RNF213: variants seen among roughly 807,000 people sequenced by gnomAD.
The protein encoded by RNF213 is E3 ubiquitin-protein ligase RNF213.
RNF213 carries 341 observed loss-of-function variants against 514.4 expected under a neutral mutation model. That is an observed-to-expected ratio of 0.66 (90% CI 0.61 to 0.73). The LOEUF (loss-of-function observed/expected upper bound fraction) is 0.73, where lower values mean the gene tolerates loss of function less well. Among genes scored for constraint, RNF213 ranks in the 30% least tolerant of loss-of-function variants. RNF213 has a pLI of 0.00. For missense variants in RNF213, 5,767 were observed against 6,615.6 expected (o/e 0.87, Z 4.45); for synonymous variants, 2,655 against 2,658.2 (o/e 1.00, Z 0.04).
chr17:80,354,602 G>T, intron 36 of RNF213, 26 bp downstream of exon 36: 1 of 1,613,854 alleles, frequency 6.2e-7, no homozygotes, highest in Non-Finnish European at 8.5e-7. Flanking sequence ...GAAGCAAGGA[G>T]TGGCTCCAAT....
At chr17:80,337,419 C>A in intron 23 of RNF213, 167 bp from the exon 24 acceptor site, 2 of 765,308 alleles carry the variant, frequency 2.6e-6, no homozygotes, top group Non-Finnish European at 4.1e-6. Context: ...GTCAGGGTGG[C>A]ACCTGGTCCA....
At position 80,317,932 on chromosome 17, in the gene RNF213, G is replaced by A. The variant is rs1476304984; in HGVS notation, c.2901+655G>A. Among the ~76,000 whole-genome samples, 2 of 152,160 alleles carry A rather than the reference G, an allele frequency of 1.3e-5. No homozygotes were observed. The highest frequency in any genetic ancestry group is 2.9e-5 in the Non-Finnish European group (2 of 68,020). The stretch of plus-strand genomic sequence containing the variant: ...CCCGGACACTTGAAGGATGGTGAAG[G>A]TGGAGAATTTTATTAAGCAATGGAA... On this transcript the variant is annotated intron_variant, in intron 16 of 67. Transcript: ENST00000582970. The surrounding 1 kb of genome is among the most constrained non-coding windows in gnomAD (Gnocchi z 4.1).
At chr17:80,380,053 C>T (rs1041285809) in intron 55 of RNF213, among the ~76,000 whole-genome samples, 9 of 152,330 alleles carry the variant, frequency 5.9e-5, no homozygotes, top group African/African-American at 1.7e-4. Context: ...TCTATGTCTG[C>T]AGGACCAAAA....
intron 18 of RNF213, among the ~76,000 whole-genome samples, chr17:80,325,747 G>A (rs1255956683): frequency 1.3e-5 from 2 of 151,804 alleles, no homozygotes; most frequent in African/African-American, 4.8e-5. Context: ...TCCTAAAAAC[G>A]TTAGAGTCCA....
In RNF213 at chr17:80,343,231, T is replaced by G. The variant is rs2078212047; in HGVS notation, c.6089T>G (p.Val2030Gly). 6.2e-7 allele frequency: 1 copy of G among 1,613,870 alleles called. No homozygotes were observed. The highest frequency in any genetic ancestry group is 1.3e-5 in the African/African-American group (1 of 74,892). The stretch of plus-strand genomic sequence containing the variant: ...ACAATTCGACTGATCGACCCTCAGG[T>G]GGATGAGAGCCGAGTCCTGGGCGCC... ...LKTIRLIDPQ[V>G]DESRVLGALL... The change falls in exon 27 of 68, where the codon GTG becomes GGG. Residue 2030 changes from valine to glycine, a missense_variant. Val to Gly is a moderately radical substitution (Grantham distance 109, BLOSUM62 -3). This residue lies in a region of RNF213 where 1,377 missense variants were observed against 1,635.2 expected (regional missense o/e 0.84). Coordinates refer to ENST00000582970, the MANE Select transcript of RNF213 (RefSeq NM_001256071.3). This position sits in a 1 kb window ranked among gnomAD's most constrained non-coding sequence, Gnocchi z 4.3.
In RNF213 at chr17:80,288,129, C is replaced by T. The variant is rs112089914; in HGVS notation, c.576C>T (p.Ser192=). Residue 192 remains serine, a synonymous_variant, in exon 4 of 68, where the codon AGC becomes AGT. Transcript: ENST00000582970. The surrounding 1 kb of genome is among the most constrained non-coding windows in gnomAD (Gnocchi z 4.9). Reference sequence around the variant, plus strand: ...TGGCCACAGGAAGTGAGGCTCAGAGCAGCCCGCAATTCCAGGACCACACGG... The same window carrying T: ...TGGCCACAGGAAGTGAGGCTCAGAGTAGCCCGCAATTCCAGGACCACACGG... ...AGVATGSEAQ[S]SPQFQDHTEG... The T allele has an allele frequency of 3.7e-4, 598 of 1,609,576 alleles. 1 individual carries two copies. The African/African-American group carries it at 7.3e-3, about 20-fold the overall frequency.
At chr17:80,374,682 G>T in intron 50 of RNF213, 93 bp downstream of exon 50, 1 of 1,461,170 alleles carries the variant, frequency 6.8e-7, no homozygotes. Context: ...CAGGGTGATG[G>T]ACCACTGATG....
Position 80,353,060 on chromosome 17 carries a change from G to A in RNF213, c.10423+1G>A, listed in dbSNP as rs1038297250. On this transcript the variant is annotated splice_donor_variant, in intron 33 of 67. Coordinates refer to ENST00000582970, the MANE Select transcript of RNF213 (RefSeq NM_001256071.3). LOFTEE classifies it high-confidence loss of function. This position sits in a 1 kb window ranked among gnomAD's most constrained non-coding sequence, Gnocchi z 5.0. ...TTCGCGCCCGGAGACTTGCCTGAGCGTGAGTCACGAGGCGGAGCCCCTGGG... is the reference window on the plus strand; with the variant it reads ...TTCGCGCCCGGAGACTTGCCTGAGCATGAGTCACGAGGCGGAGCCCCTGGG... The A allele has an allele frequency of 5.6e-6, 9 of 1,611,778 alleles. No individual in the cohort carries two copies. The highest frequency in any genetic ancestry group is 1.7e-5 in the Admixed American group (1 of 60,008).
intron 25 of RNF213, 60 bp downstream of exon 25, chr17:80,338,057 G>A (rs561533903): frequency 1.7e-5 from 26 of 1,521,596 alleles, no homozygotes; most frequent in Admixed American, 3.9e-5. Flanking sequence ...CGTGAGGGCT[G>A]TGTACTCCCA....
At position 80,264,112 on chromosome 17, in the gene RNF213, G is replaced by A. The variant is rs761381161; in HGVS notation, c.97+334G>A. ...GGGAGAGGACAAAACAAGAAGTTTTGTCGGGGTCTTTGCTGGAGGTTCCTG... is the reference window on the plus strand; with the variant it reads ...GGGAGAGGACAAAACAAGAAGTTTTATCGGGGTCTTTGCTGGAGGTTCCTG... On this transcript the variant is annotated intron_variant, in intron 2 of 67. Coordinates refer to ENST00000582970, the MANE Select transcript of RNF213 (RefSeq NM_001256071.3). The surrounding 1 kb of genome is among the most constrained non-coding windows in gnomAD (Gnocchi z 5.0). 6.6e-6 allele frequency among the ~76,000 whole-genome samples: 1 copy of A among 152,222 alleles called. No individual in the cohort carries two copies. The highest frequency in any genetic ancestry group is 1.5e-5 in the Non-Finnish European group (1 of 68,034).
At chr17:80,300,155 C>T (rs747143745) in intron 11 of RNF213, among the ~76,000 whole-genome samples, 3 of 152,206 alleles carry the variant, frequency 2.0e-5, no homozygotes, top group Non-Finnish European at 4.4e-5. Context: ...CTAATTTACA[C>T]TCCCACCAAC....
At chr17:80,262,209 G>A (rs559119815) in intron 1 of RNF213, among the ~76,000 whole-genome samples, 1 of 152,034 alleles carries the variant, frequency 6.6e-6, no homozygotes, top group Non-Finnish European at 1.5e-5. Context: ...GGGAGCCAGG[G>A]CTTGGCTGTG....
In RNF213 at chr17:80,346,309, C is replaced by G; in HGVS notation, c.7974C>G (p.Leu2658=). The change falls in exon 29 of 68, where the codon CTC becomes CTG. Residue 2658 remains leucine, a synonymous_variant. Coordinates refer to ENST00000582970, the MANE Select transcript of RNF213 (RefSeq NM_001256071.3). The surrounding 1 kb of genome is among the most constrained non-coding windows in gnomAD (Gnocchi z 8.1). ...GGTTCCACGAGCACAGCGCGATGCT[C>G]TTAGCGCAGCTGAATGCCTTTCTCT... is the stretch of plus-strand genomic sequence containing the variant. ...FRWFHEHSAM[L]LAQLNAFLSK... 1 of 1,614,090 alleles carries G rather than the reference C, an allele frequency of 6.2e-7. No individual in the cohort carries two copies. Among genetic ancestry groups the G allele is most frequent in the Non-Finnish European group, 8.5e-7 (1 of 1,180,044 alleles).
chr17:80,315,588 G>GAGGTGA (rs1555653842), intron 15 of RNF213: 1 of 9,850 alleles, frequency 1.0e-4, no homozygotes. Context: ...GGTGATGGTG[G>GAGGTGA]TGGTGGTGGT....
chr17:80,313,574 C>G (rs1176906659), intron 15 of RNF213, among the ~76,000 whole-genome samples: 10 of 65,936 alleles, frequency 1.5e-4, no homozygotes, highest in South Asian at 5.2e-4. Flanking sequence ...TGATGGTGGT[C>G]ATGGAGGTGG....
chr17:80,374,768 C>A, intron 50 of RNF213, 179 bp downstream of exon 50: 2 of 680,658 alleles, frequency 2.9e-6, no homozygotes, highest in South Asian at 1.7e-5. Flanking sequence ...TGTGCGTGAA[C>A]CAGTGGCTGG....
In RNF213 at chr17:80,344,812, C is replaced by A; in HGVS notation, c.6477C>A (p.Phe2159Leu). ...DTEPGMDLWE[F>L]CSETFQRPYQ... ...AGCCTGGGATGGATCTGTGGGAGTT[C>A]TGCAGCGAAACTTTCCAAAGACCTT... The change falls in exon 29 of 68, where the codon TTC becomes TTA. Residue 2159 changes from phenylalanine (F) to leucine (L), a missense_variant. Physicochemically the swap from Phe to Leu is conservative, Grantham distance 22. Around this residue, in one of 13 missense-constraint regions of RNF213, gnomAD observed 1,377 missense variants for 1,635.2 expected, o/e 0.84. Transcript: ENST00000582970. The A allele has an allele frequency of 6.2e-7, 1 of 1,614,156 alleles. No individual in the cohort carries two copies. The highest frequency in any genetic ancestry group is 8.5e-7 in the Non-Finnish European group (1 of 1,180,030).
At position 80,287,108 on chromosome 17, in the gene RNF213, C is replaced by T. The variant is rs543533586; in HGVS notation, c.262-707C>T. Among the ~76,000 whole-genome samples the T allele has an allele frequency of 1.1e-4, 16 of 152,300 alleles. No homozygotes were observed. In the South Asian group the frequency reaches 3.3e-3, roughly 32 times the overall value. Reference sequence around the variant, plus strand: ...AGGCACGGTGGCTCACGCGTGTAATCCCACACTTTGGGAGGCCAAGATGGG... The same window carrying T: ...AGGCACGGTGGCTCACGCGTGTAATTCCACACTTTGGGAGGCCAAGATGGG... On this transcript the variant is annotated intron_variant, in intron 3 of 67. Transcript: ENST00000582970.
Position 80,395,848 on chromosome 17 carries a change from G to C in RNF213, c.*2350G>C, listed in dbSNP as rs2080648384. The C allele has an allele frequency of 6.6e-6, 1 of 152,160 alleles. No homozygotes were observed. The highest frequency in any genetic ancestry group is 1.5e-5 in the Non-Finnish European group (1 of 68,050). The allele number at this position is 152,160 out of a possible 1,614,324, so 9.4% of individuals were successfully genotyped here. On this transcript the variant is annotated 3_prime_UTR_variant, in exon 68 of 68. Coordinates refer to ENST00000582970, the MANE Select transcript of RNF213 (RefSeq NM_001256071.3). ...TCTAGAACCACAGCAAGAAGAGGAG[G>C]CATGCTGGCCTGCACCGGAAGACTC...
Sources: gnomAD v4.1 joint callset for allele counts (sites outside exome capture counted in the v4.1 genomes callset) on GRCh38, gnomAD v4.1.1 for gene constraint, gnomAD v4.1.1 regional missense constraint, Gnocchi (gnomAD v3.1) non-coding constraint, MANE v1.5 for transcripts, NCBI Gene and HGNC (gene_info 2026-07-23, HGNC 2026-07-21) for gene names.